Variants in SLC39A8 observed in about 807,000 individuals in gnomAD.
SLC39A8 encodes the protein metal cation symporter ZIP8.
In SLC39A8, 15 loss-of-function variants were observed where a neutral mutation model predicts 40.4. That is an observed-to-expected ratio of 0.37 (90% CI 0.25 to 0.57). The LOEUF is 0.57. Among genes scored for constraint, SLC39A8 ranks in the 20% least tolerant of loss-of-function variants. SLC39A8 has a pLI of 0.75. For synonymous variants in SLC39A8, 223 were observed against 221.6 expected, an observed-to-expected ratio of 1.01 and a Z score of -0.06; for missense variants, 472 against 558.8, an observed-to-expected ratio of 0.84 and a Z score of 1.57.
At chr4:102,336,652 T>C (rs944111754) in intron 2 of SLC39A8, among the ~76,000 whole-genome samples, 2 of 152,234 alleles carry the variant, frequency 1.3e-5, no homozygotes, top group African/African-American at 4.8e-5. Flanking sequence ...TTTTTGTTTT[T>C]ATTCTCCTTA....
chr4:102,280,344 G>A (rs1422023071), intron 6 of SLC39A8, among the ~76,000 whole-genome samples: 3 of 152,040 alleles, frequency 2.0e-5, no homozygotes, highest in Non-Finnish European at 4.4e-5. Flanking sequence ...TATTTGAGTA[G>A]GCCATCTCTC....
intron 6 of SLC39A8, among the ~76,000 whole-genome samples, chr4:102,270,630 G>A (rs151404): frequency 0.18 from 26,803 of 152,162 alleles, 2,652 homozygotes; most frequent in Non-Finnish European, 0.23. Context: ...CAGCCATGAT[G>A]AGGCAATTCA....
Position 102,304,422 on chromosome 4 carries a change from AG to A in SLC39A8, c.734del (p.Pro245LeufsTer10). 2 of 1,611,682 alleles carry A rather than the reference AG, an allele frequency of 1.2e-6. No homozygotes were observed. The highest frequency in any genetic ancestry group is 1.7e-6 in the Non-Finnish European group (2 of 1,178,424). Reference protein sequence around the residue: ...NFGPQEKTHQPKALPAINGVT... With the variant: ...NFGPQEKTHQXKALPAINGVT... ...CACCATTGATGGCAGGTAATGCTTT[AG>A]GTTGATGAGTTTTTTCTTGAGGACC... is the stretch of plus-strand genomic sequence containing the variant. On this transcript the variant is annotated frameshift_variant, in exon 6 of 9. Transcript: ENST00000356736. LOFTEE classifies it high-confidence loss of function.
At chr4:102,265,676 A>T (rs1482235388) in intron 8 of SLC39A8, among the ~76,000 whole-genome samples, 3 of 152,244 alleles carry the variant, frequency 2.0e-5, no homozygotes, top group African/African-American at 7.2e-5. Context: ...GGGTGGTATG[A>T]TCATTTACTT....
rs138875924 is a variant in SLC39A8 at position 102,272,525 on chromosome 4, A to C, written c.841-4446T>G. 2.8e-3 allele frequency among the ~76,000 whole-genome samples: 422 copies of C among 152,266 alleles called. 2 individuals are homozygous for C. The highest frequency in any genetic ancestry group is 4.6e-3 in the Non-Finnish European group (311 of 68,016). ...ACTCGAAAGGCTGAAGGAGAGTTAC[A>C]GTGAGCTATGATTGCGCCACTGCAC... On this transcript the variant is annotated intron_variant, in intron 6 of 8. Coordinates refer to ENST00000356736, the MANE Select transcript of SLC39A8 (RefSeq NM_001135146.2).
chr4:102,278,934 G>C (rs1732749956), intron 6 of SLC39A8, among the ~76,000 whole-genome samples: 1 of 151,872 alleles, frequency 6.6e-6, no homozygotes, highest in Admixed American at 6.6e-5. Context: ...TCATAAGTGA[G>C]AGTTGAACAA....
Position 102,267,663 on chromosome 4 carries a change from T to A in SLC39A8, c.1060A>T (p.Ile354Phe). 1 of 1,582,914 alleles carries A rather than the reference T, an allele frequency of 6.3e-7. No individual in the cohort carries two copies. Among genetic ancestry groups the A allele is most frequent in the Non-Finnish European group, 8.5e-7 (1 of 1,169,808 alleles). The part of the protein sequence containing the change: ...EFPHELGDFV[I>F]LLNAGMSTRQ... ...GTGCTCATCCCTGCATTGAGTAGGA[T>A]CACAAAGTCTCCTAGAAGAAGAAGA... Residue 354 changes from isoleucine (I) to phenylalanine (F), a missense_variant, in exon 8 of 9, where the codon ATC (isoleucine) becomes TTC (phenylalanine). This residue lies in a region of SLC39A8 where 239 missense variants were observed against 317.9 expected (regional missense o/e 0.75). Coordinates refer to ENST00000356736, the MANE Select transcript of SLC39A8 (RefSeq NM_001135146.2).
At chr4:102,261,356 A>G (rs1483234952), downstream of SLC39A8, among the ~76,000 whole-genome samples, 1 of 152,212 alleles carries the variant, frequency 6.6e-6, no homozygotes, top group Admixed American at 6.5e-5. Flanking sequence ...GCTCTTCTCA[A>G]CTAGTTCACT....
At chr4:102,303,032 C>T (rs926918806) in intron 6 of SLC39A8, among the ~76,000 whole-genome samples, 1 of 151,822 alleles carries the variant, frequency 6.6e-6, no homozygotes, top group Non-Finnish European at 1.5e-5. Context: ...TGTTTTCTTT[C>T]CAGAAGGAAA....
In SLC39A8 at chr4:102,284,874, C is replaced by T. The variant is rs368874518; in HGVS notation, c.841-16795G>A. ...TGGCTGATCCCTCACTTATTTTTTC[C>T]AATATATATTTTGTAACCTGGTAAT... is the stretch of plus-strand genomic sequence containing the variant. On this transcript the variant is annotated intron_variant, in intron 6 of 8. Coordinates refer to ENST00000356736, the MANE Select transcript of SLC39A8 (RefSeq NM_001135146.2). Among the ~76,000 whole-genome samples the T allele has an allele frequency of 8.5e-5, 13 of 152,122 alleles. No homozygotes were observed. The South Asian group carries it at 1.5e-3, about 17-fold the overall frequency.
chr4:102,267,012 T>TA (rs1198059268), intron 8 of SLC39A8, among the ~76,000 whole-genome samples: 2 of 152,208 alleles, frequency 1.3e-5, no homozygotes, highest in Non-Finnish European at 2.9e-5. Context: ...GTCAAAATTT[T>TA]ACCAATTTTA....
intron 6 of SLC39A8, among the ~76,000 whole-genome samples, chr4:102,302,609 G>A (rs779888291): frequency 2.4e-4 from 36 of 152,010 alleles, no homozygotes; most frequent in African/African-American, 8.7e-4. Flanking sequence ...AAGGAAGGCA[G>A]TCCAGCAAAG....
chr4:102,259,439 T>C, downstream of SLC39A8: 1 of 1,514,434 alleles, frequency 6.6e-7, no homozygotes, highest in Non-Finnish European at 9.0e-7. Context: ...TTAAAATTGT[T>C]CCTTGTTATT....
At chr4:102,320,047 G>T (rs1734837789) in intron 2 of SLC39A8, among the ~76,000 whole-genome samples, 1 of 150,806 alleles carries the variant, frequency 6.6e-6, no homozygotes, top group South Asian at 2.1e-4. Context: ...CGGGCTTTCA[G>T]ACACAGGCTA....
At chr4:102,294,091 A>T (rs1471198554) in intron 6 of SLC39A8, among the ~76,000 whole-genome samples, 1 of 152,062 alleles carries the variant, frequency 6.6e-6, no homozygotes, top group Non-Finnish European at 1.5e-5. Flanking sequence ...TAAACTTAAA[A>T]TTTTTGAAAG....
At position 102,267,489 on chromosome 4, in the gene SLC39A8, C is replaced by A; in HGVS notation, c.1233+1G>T. 1 of 1,589,150 alleles carries A rather than the reference C, an allele frequency of 6.3e-7. No individual in the cohort carries two copies. Among genetic ancestry groups the A allele is most frequent in the Admixed American group, 1.9e-5 (1 of 53,428 alleles). On this transcript the variant is annotated splice_donor_variant, in intron 8 of 8. Coordinates refer to ENST00000356736, the MANE Select transcript of SLC39A8 (RefSeq NM_001135146.2). LOFTEE classifies it high-confidence loss of function. ...GAAAATACAAATTTTAAGCTTCTTA[C>A]CATATCTGCCAGAGAAATATAGAGG... is the stretch of plus-strand genomic sequence containing the variant.
chr4:102,290,410 T>C (rs745364003), intron 6 of SLC39A8, among the ~76,000 whole-genome samples: 1 of 152,140 alleles, frequency 6.6e-6, no homozygotes, highest in Non-Finnish European at 1.5e-5. Context: ...CCGACTATGG[T>C]TCAGAGAATA....
chr4:102,268,123 G>A, intron 6 of SLC39A8, 44 bp from the exon 7 acceptor site: 1 of 1,599,586 alleles, frequency 6.3e-7, no homozygotes, highest in Non-Finnish European at 8.6e-7. Context: ...TTTCTTGAAA[G>A]TCTCAGAAAT....
At chr4:102,289,626 C>T (rs1202584094) in intron 6 of SLC39A8, among the ~76,000 whole-genome samples, 1 of 152,028 alleles carries the variant, frequency 6.6e-6, no homozygotes, top group Admixed American at 6.6e-5. Context: ...TCCACATTTA[C>T]AGGAGTTGGG....
Sources: gnomAD v4.1 joint callset for allele counts (sites outside exome capture counted in the v4.1 genomes callset) on GRCh38, gnomAD v4.1.1 for gene constraint, gnomAD v4.1.1 regional missense constraint, MANE v1.5 for transcripts, NCBI Gene and HGNC (gene_info 2026-07-23, HGNC 2026-07-21) for gene names.